The following ZNF555 variants were observed in gnomAD, a reference collection of about 807,000 sequenced individuals.
The protein encoded by ZNF555 is zinc finger protein 555.
A neutral mutation model predicts 14.0 loss-of-function variants in ZNF555; 10 were observed. The ratio of observed to expected loss-of-function variants is 0.72; its 90% CI spans 0.44 to 1.21. The LOEUF is 1.21. Among genes scored for constraint, ZNF555 ranks in the 50% most tolerant of loss-of-function variants. ZNF555 has a pLI of 0.00. For missense variants in ZNF555, 747 were observed against 762.0 expected (o/e 0.98, Z 0.23); for synonymous variants, 277 against 262.4 (o/e 1.06, Z -0.54).
intron 1 of ZNF555, among the ~76,000 whole-genome samples, chr19:2,843,669 G>C (rs1599560096): frequency 6.6e-6 from 1 of 152,176 alleles, no homozygotes. Context: ...CAATACTGCA[G>C]TACCCTTACC....
At chr19:2,849,513 C>A (rs2087610498) in intron 1 of ZNF555, among the ~76,000 whole-genome samples, 2 of 144,224 alleles carry the variant, frequency 1.4e-5, no homozygotes, top group Non-Finnish European at 3.0e-5. Context: ...GAGACTGAGT[C>A]CTGCCCTATC....
chr19:2,844,096 T>G (rs55998086), intron 1 of ZNF555, among the ~76,000 whole-genome samples: 1 of 137,180 alleles, frequency 7.3e-6, no homozygotes, highest in African/African-American at 2.8e-5. Flanking sequence ...TCTCTCTCTT[T>G]TCTTTTTTTT....
intron 1 of ZNF555, chr19:2,847,189 C>T (rs1283211363): frequency 6.6e-6 from 1 of 152,146 alleles, no homozygotes; most frequent in African/African-American, 2.4e-5. Flanking sequence ...TCACACATGC[C>T]GATGCGGTAG....
At chr19:2,848,780 A>C (rs186718316) in intron 1 of ZNF555, among the ~76,000 whole-genome samples, 6 of 152,322 alleles carry the variant, frequency 3.9e-5, no homozygotes, top group African/African-American at 1.4e-4. Context: ...GGCTGATCAC[A>C]TAAGCATCCC....
In ZNF555 at chr19:2,852,391, G is replaced by T. The variant is rs767683911; in HGVS notation, c.326G>T (p.Gly109Val). 1 of 1,614,060 alleles carries T rather than the reference G, an allele frequency of 6.2e-7. No homozygotes were observed. The highest frequency in any genetic ancestry group is 8.5e-7 in the Non-Finnish European group (1 of 1,180,014). ...NQGRNLSRNH[G>V]LERLCESNDQ... ...CTTCTCATTTTTAGTAGAAATCATG[G>T]GTTGGAGAGACTCTGTGAAAGTAAT... Residue 109 changes from glycine to valine, a missense_variant, in exon 4 of 4, where the codon GGG becomes GTG. By Grantham distance (109) the Gly-to-Val change is moderately radical. Coordinates refer to ENST00000334241, the MANE Select transcript of ZNF555 (RefSeq NM_152791.5).
At chr19:2,852,328 A>C in intron 3 of ZNF555, 52 bp from the exon 4 acceptor site, 1 of 1,606,130 alleles carries the variant, frequency 6.2e-7, no homozygotes, top group Non-Finnish European at 8.5e-7. Flanking sequence ...AATCCTAATA[A>C]ATACTAACAA....
At chr19:2,843,684 T>G (rs145777759) in intron 1 of ZNF555, among the ~76,000 whole-genome samples, 7 of 152,320 alleles carry the variant, frequency 4.6e-5, no homozygotes, top group African/African-American at 1.7e-4. Flanking sequence ...CTTACCTTAA[T>G]TCTATAATAC....
intron 1 of ZNF555, among the ~76,000 whole-genome samples, chr19:2,848,971 G>A (rs942979398): frequency 2.0e-5 from 3 of 152,094 alleles, no homozygotes; most frequent in African/African-American, 4.8e-5. Context: ...AGAGTCTAAG[G>A]CCCGCAATGT....
At chr19:2,841,632 C>A in intron 1 of ZNF555, 57 bp downstream of exon 1, 1 of 1,453,472 alleles carries the variant, frequency 6.9e-7, no homozygotes, top group South Asian at 1.4e-5. Context: ...GGCGACCGCC[C>A]GAGACCGCGG....
At position 2,860,093 on chromosome 19, in the gene ZNF555, A is replaced by G. The variant is rs10413272; in HGVS notation, c.*6141A>G. ...TTCCTAAGAAGGAAAACAAAGATGG[A>G]CTTAAGGGGTGCAGAGGGCCTGGAC... On this transcript the variant is annotated 3_prime_UTR_variant, in exon 4 of 4. Transcript: ENST00000334241. 125,833 of 152,174 alleles carry G rather than the reference A, an allele frequency of 0.83. 52,424 individuals are homozygous for G. The highest frequency in any genetic ancestry group is 1 in the East Asian group (5,174 of 5,176). The allele number at this position is 152,174 out of a possible 1,614,324, so 9.4% of individuals were successfully genotyped here.
At chr19:2,843,014 G>A (rs1451933026) in intron 1 of ZNF555, among the ~76,000 whole-genome samples, 1 of 151,160 alleles carries the variant, frequency 6.6e-6, no homozygotes, top group Non-Finnish European at 1.5e-5. Context: ...TTGCACTCCA[G>A]CCTGGGTGAC....
intron 1 of ZNF555, among the ~76,000 whole-genome samples, chr19:2,849,492 T>A (rs1445579269): frequency 6.6e-6 from 1 of 151,072 alleles, no homozygotes. Flanking sequence ...ACTTTTTTTT[T>A]TTTTTTTTCT....
Position 2,858,670 on chromosome 19 carries a change from G to A in ZNF555, c.*4718G>A, listed in dbSNP as rs1348210463. The A allele has an allele frequency of 6.6e-6, 1 of 152,326 alleles. No homozygotes were observed. Among genetic ancestry groups the A allele is most frequent in the African/African-American group, 2.4e-5 (1 of 41,448 alleles). 9.4% of individuals were successfully genotyped at this position (152,326 alleles called of 1,614,324 possible). The stretch of plus-strand genomic sequence containing the variant: ...ACGTGGCAGCCCTGCGTTGTGAGGT[G>A]AGAGAAGAGGCAGTGGCAGAACCCA... On this transcript the variant is annotated 3_prime_UTR_variant, in exon 4 of 4. Transcript: ENST00000334241.
At chr19:2,841,987 C>T (rs2087540948) in intron 1 of ZNF555, among the ~76,000 whole-genome samples, 1 of 152,076 alleles carries the variant, frequency 6.6e-6, no homozygotes, top group Admixed American at 6.5e-5. Context: ...GCGGTCCAGG[C>T]TCCCCCGGGA....
chr19:2,854,692 G>T lies in ZNF555; in HGVS notation c.*740G>T, dbSNP rs150154126. The T allele has an allele frequency of 3.2e-3, 484 of 152,324 alleles. No individual in the cohort carries two copies. The highest frequency in any genetic ancestry group is 6.0e-3 in the Non-Finnish European group (409 of 68,058). 9.4% of individuals were successfully genotyped at this position (152,324 alleles called of 1,614,324 possible). On this transcript the variant is annotated 3_prime_UTR_variant, in exon 4 of 4. Coordinates refer to ENST00000334241, the MANE Select transcript of ZNF555 (RefSeq NM_152791.5). ...ACATCAACCTTCAGCTTATTTTCCA[G>T]ATTCTTATTCCTGCCAATCAAGAGT...
At position 2,855,542 on chromosome 19, in the gene ZNF555, C is replaced by T. The variant is rs1490512073; in HGVS notation, c.*1590C>T. On this transcript the variant is annotated 3_prime_UTR_variant, in exon 4 of 4. Coordinates refer to ENST00000334241, the MANE Select transcript of ZNF555 (RefSeq NM_152791.5). ...CTCCAGCCTGGGAGACGGGGAAAGA[C>T]TCCATCACACAAGCAAGAAAAGAAA... 6.6e-6 allele frequency: 1 copy of T among 152,122 alleles called. No individual in the cohort carries two copies. Among genetic ancestry groups the T allele is most frequent in the Non-Finnish European group, 1.5e-5 (1 of 68,042 alleles). The allele number at this position is 152,122 out of a possible 1,614,324, so 9.4% of individuals were successfully genotyped here. A position where few individuals can be genotyped will look rare whatever the true frequency, so the allele number is the denominator to read the frequency against.
Position 2,858,007 on chromosome 19 carries a change from A to C in ZNF555, c.*4055A>C, listed in dbSNP as rs2087698421. The C allele has an allele frequency of 6.6e-6, 1 of 152,352 alleles. No homozygotes were observed. The highest frequency in any genetic ancestry group is 1.5e-5 in the Non-Finnish European group (1 of 68,264). 9.4% of individuals were successfully genotyped at this position (152,352 alleles called of 1,614,324 possible). On this transcript the variant is annotated 3_prime_UTR_variant, in exon 4 of 4. Coordinates refer to ENST00000334241, the MANE Select transcript of ZNF555 (RefSeq NM_152791.5). ...AGCTAGACACCAGTCTGGGCAACATAGCGAGACCTCAACTCTACCAAAAAA... is the reference window on the plus strand; with the variant it reads ...AGCTAGACACCAGTCTGGGCAACATCGCGAGACCTCAACTCTACCAAAAAA...
intron 1 of ZNF555, among the ~76,000 whole-genome samples, chr19:2,849,196 A>T (rs574385637): frequency 6.6e-6 from 1 of 151,580 alleles, no homozygotes; most frequent in Admixed American, 6.6e-5. Context: ...GACGGAAAGG[A>T]GTTGATCTTT....
chr19:2,853,339 A>G lies in ZNF555; in HGVS notation c.1274A>G (p.Glu425Gly). The G allele has an allele frequency of 6.2e-7, 1 of 1,614,162 alleles. No individual in the cohort carries two copies. Among genetic ancestry groups the G allele is most frequent in the Non-Finnish European group, 8.5e-7 (1 of 1,179,998 alleles). ...MRVHTGEKPY[E>G]CKQCGKTFNW... ...GTGCACACTGGAGAGAAACCCTATG[A>G]GTGCAAGCAATGTGGGAAAACTTTC... Residue 425 changes from glutamate (E) to glycine (G), a missense_variant, in exon 4 of 4, where the codon GAG becomes GGG. Glu to Gly is a moderately conservative substitution (Grantham distance 98). Coordinates refer to ENST00000334241, the MANE Select transcript of ZNF555 (RefSeq NM_152791.5).
Sources: allele counts gnomAD v4.1 joint callset (sites outside exome capture counted in the v4.1 genomes callset), GRCh38; gene constraint gnomAD v4.1.1; transcripts MANE v1.5; gene names NCBI Gene and HGNC (gene_info 2026-07-23, HGNC 2026-07-21).